BIRC6: variants seen among roughly 807,000 people sequenced by gnomAD.
The protein encoded by BIRC6 is baculoviral IAP repeat containing 6.
BIRC6 carries 98 observed loss-of-function variants against 503.3 expected under a neutral mutation model. The ratio of observed to expected loss-of-function variants is 0.19; its 90% CI spans 0.17 to 0.23. The LOEUF (loss-of-function observed/expected upper bound fraction) is 0.23, where lower values mean the gene tolerates loss of function less well. BIRC6 is among the 10% of genes least tolerant of loss of function. The pLI is 1.00. For synonymous variants in BIRC6, 2,240 were observed against 2,078.7 expected, an observed-to-expected ratio of 1.08 and a Z score of -2.11; for missense variants, 5,360 against 5,806.0, an observed-to-expected ratio of 0.92 and a Z score of 2.50.
Position 32,387,365 on chromosome 2 carries a change from G to A in BIRC6, c.646-1385G>A, listed in dbSNP as rs563206787. 2.7e-4 allele frequency among the ~76,000 whole-genome samples: 31 copies of A among 114,704 alleles called. 1 individual carries two copies. The South Asian group carries it at 8.2e-3, about 30-fold the overall frequency. The allele number at this position is 114,704 out of a possible 152,430, so 75.3% of individuals were successfully genotyped here. On this transcript the variant is annotated intron_variant, in intron 3 of 73. Transcript: ENST00000421745. ...TTTGTCTACAAGTTTTTCCAGTATT[G>A]TATAGATAAATAATAATTTACTAGG...
intron 65 of BIRC6, 95 bp downstream of exon 65, chr2:32,549,576 G>A: frequency 2.7e-6 from 3 of 1,116,838 alleles, no homozygotes; most frequent in South Asian, 3.6e-5. Context: ...ATAGTTGATG[G>A]ATTTATTTCC....
chr2:32,389,612 A>G (rs796447255), intron 4 of BIRC6, among the ~76,000 whole-genome samples: 46 of 152,350 alleles, frequency 3.0e-4, no homozygotes, highest in African/African-American at 1.1e-3. Context: ...GGTTCTTACA[A>G]AAAGTACCAA....
chr2:32,396,487 T>A (rs116195966), intron 6 of BIRC6, among the ~76,000 whole-genome samples: 2 of 152,290 alleles, frequency 1.3e-5, no homozygotes, highest in Non-Finnish European at 2.9e-5. Context: ...GGAGTTCAGA[T>A]TGGAAAATAC....
At chr2:32,395,470 A>G in intron 5 of BIRC6, 41 bp from the exon 6 acceptor site, 1 of 1,413,800 alleles carries the variant, frequency 7.1e-7, no homozygotes, top group Non-Finnish European at 9.9e-7. Flanking sequence ...TATTTTAATA[A>G]TGATTTACCT....
chr2:32,558,211 T>C (rs1043941960), intron 65 of BIRC6, among the ~76,000 whole-genome samples: 15 of 152,154 alleles, frequency 9.9e-5, no homozygotes, highest in Admixed American at 2.6e-4. Context: ...ATAATGAAAA[T>C]GTAGAAGTTA....
At chr2:32,436,870 GT>G (rs1165297814) in intron 15 of BIRC6, among the ~76,000 whole-genome samples, 4 of 138,678 alleles carry the variant, frequency 2.9e-5, no homozygotes, top group East Asian at 4.3e-4. Context: ...GCCAAGAGAG[GT>G]TTTTTTTGTT....
chr2:32,602,804 A>G, intron 70 of BIRC6: 1 of 463,352 alleles, frequency 2.2e-6, no homozygotes, highest in South Asian at 5.2e-5. Context: ...TTGCATTATG[A>G]AAAAGTTATA....
intron 4 of BIRC6, among the ~76,000 whole-genome samples, chr2:32,391,044 G>T (rs927099553): frequency 6.6e-6 from 1 of 151,848 alleles, no homozygotes; most frequent in African/African-American, 2.4e-5. Flanking sequence ...AGAAAAATAC[G>T]TAATTAGAAC....
intron 10 of BIRC6, among the ~76,000 whole-genome samples, chr2:32,426,698 A>G (rs559532638): frequency 7.2e-5 from 11 of 152,350 alleles, no homozygotes; most frequent in Admixed American, 6.5e-4. Flanking sequence ...TGAGAAAAAC[A>G]TTTATTTATT....
rs754470352 is a variant in BIRC6 at position 32,392,097 on chromosome 2, G to A, written c.898G>A (p.Gly300Ser). The change falls in exon 5 of 74, where the codon GGC becomes AGC. Residue 300 changes from glycine to serine, a missense_variant. Around this residue, in one of 16 missense-constraint regions of BIRC6, gnomAD observed 92 missense variants for 176.7 expected, o/e 0.52. Transcript: ENST00000421745. Reference sequence around the variant, plus strand: ...GACATTTACCTCATGGCCTCATGTAGGCTATAGGTGGGCACAACCAGATCC... The same window carrying A: ...GACATTTACCTCATGGCCTCATGTAAGCTATAGGTGGGCACAACCAGATCC... ...RETFTSWPHV[G>S]YRWAQPDPMA... is the part of the protein sequence containing the mutation. 6.3e-7 allele frequency: 1 copy of A among 1,598,856 alleles called. No individual in the cohort carries two copies. The highest frequency in any genetic ancestry group is 8.5e-7 in the Non-Finnish European group (1 of 1,172,072).
intron 3 of BIRC6, 76 bp from the exon 4 acceptor site, chr2:32,388,674 G>A (rs1265423179): frequency 9.2e-7 from 1 of 1,085,314 alleles, no homozygotes; most frequent in Non-Finnish European, 1.3e-6. Context: ...TTCTTTATTT[G>A]ATAATGGTTA....
chr2:32,561,055 G>T (rs964590779), intron 65 of BIRC6, among the ~76,000 whole-genome samples: 2 of 151,478 alleles, frequency 1.3e-5, no homozygotes, highest in East Asian at 4.0e-4. Flanking sequence ...AAAATTAGCC[G>T]GGCGTGGTGG....
At chr2:32,509,566 T>C (rs1203112345) in intron 51 of BIRC6, 172 bp from the exon 52 acceptor site, 12 of 732,256 alleles carry the variant, frequency 1.6e-5, no homozygotes, top group Admixed American at 3.0e-5. Context: ...ATTTATCTTA[T>C]AGGGGAAACT....
chr2:32,544,406 A>G (rs2057902419), intron 62 of BIRC6, among the ~76,000 whole-genome samples: 2 of 151,724 alleles, frequency 1.3e-5, no homozygotes, highest in Admixed American at 1.3e-4. Context: ...TTGTTATTTA[A>G]TAGAAAAACT....
At chr2:32,496,503 C>T (rs549076276) in intron 45 of BIRC6, among the ~76,000 whole-genome samples, 9 of 152,282 alleles carry the variant, frequency 5.9e-5, no homozygotes, top group East Asian at 1.9e-4. Context: ...GGTTTACAAG[C>T]GTGAGCCACC....
At chr2:32,459,682 C>A (rs949258458) in intron 23 of BIRC6, among the ~76,000 whole-genome samples, 1 of 151,964 alleles carries the variant, frequency 6.6e-6, no homozygotes, top group Non-Finnish European at 1.5e-5. Context: ...TTTTCTGTCC[C>A]CTTAAATCCA....
chr2:32,386,595 C>A (rs1456319959), intron 3 of BIRC6, among the ~76,000 whole-genome samples: 1 of 152,024 alleles, frequency 6.6e-6, no homozygotes, highest in Non-Finnish European at 1.5e-5. Context: ...CAAGTGCATG[C>A]CATCACGCCT....
intron 62 of BIRC6, among the ~76,000 whole-genome samples, chr2:32,544,611 C>G (rs750762214): frequency 2.6e-5 from 4 of 151,212 alleles, no homozygotes; most frequent in Non-Finnish European, 5.9e-5. Flanking sequence ...TTTCACATGC[C>G]ATTTAGAAAG....
intron 43 of BIRC6, among the ~76,000 whole-genome samples, chr2:32,490,890 G>C (rs542934482): frequency 6.6e-6 from 1 of 152,182 alleles, no homozygotes; most frequent in East Asian, 1.9e-4. Flanking sequence ...CATTTGGAAT[G>C]TATTTTCCAA....
Sources: allele counts gnomAD v4.1 joint callset (sites outside exome capture counted in the v4.1 genomes callset), GRCh38; gene constraint gnomAD v4.1.1; regional missense constraint gnomAD v4.1.1; transcripts MANE v1.5; gene names NCBI Gene and HGNC (gene_info 2026-07-23, HGNC 2026-07-21).